The following TRMT9B variants were observed in gnomAD, a reference collection of about 807,000 sequenced individuals.
The protein encoded by TRMT9B is probable tRNA methyltransferase 9B.
Under a neutral mutation model 11.5 loss-of-function variants are expected in TRMT9B, and 16 were observed. The observed-to-expected ratio is 1.39, with a 90% CI of 0.94 to 2.11. The LOEUF is 2.11. Among genes scored for constraint, TRMT9B ranks in the 30% most tolerant of loss-of-function variants. The pLI, the probability that TRMT9B is intolerant of heterozygous loss-of-function variation, is 0.00. For synonymous variants in TRMT9B, 274 were observed against 192.4 expected, an observed-to-expected ratio of 1.42 and a Z score of -3.51; for missense variants, 941 against 553.8, an observed-to-expected ratio of 1.70 and a Z score of -7.02.
At position 13,012,809 on chromosome 8, in the gene TRMT9B, A is replaced by G. The variant is rs1196413937; in HGVS notation, c.280A>G (p.Asn94Asp). 1.9e-6 allele frequency: 3 copies of G among 1,613,944 alleles called. No individual in the cohort carries two copies. Among genetic ancestry groups the G allele is most frequent in the African/African-American group, 1.3e-5 (1 of 75,050 alleles). The change falls in exon 4 of 5, where the codon AAT (asparagine) becomes GAT (aspartate). Residue 94 changes from asparagine (N) to aspartate (D), a missense_variant. Physicochemically the swap from Asn to Asp is conservative, Grantham distance 23 (BLOSUM62 1). Coordinates refer to ENST00000524591, the MANE Select transcript of TRMT9B (RefSeq NM_020844.3). ...TGAAGCCATGGTATGTGACAACCTTAATCTCCCCTTTAGGGATGAGGGCTT... is the reference window on the plus strand; with the variant it reads ...TGAAGCCATGGTATGTGACAACCTTGATCTCCCCTTTAGGGATGAGGGCTT... Reference protein sequence around the residue: ...GCEAMVCDNLNLPFRDEGFDA... With the variant: ...GCEAMVCDNLDLPFRDEGFDA...
At chr8:13,012,445 C>T (rs1215747387) in intron 3 of TRMT9B, 9 of 462,466 alleles carry the variant, frequency 1.9e-5, no homozygotes, top group East Asian at 1.6e-4. Flanking sequence ...CATGGTGGCA[C>T]GCGCCTATGA....
chr8:12,998,568 C>T (rs143105520), intron 2 of TRMT9B, among the ~76,000 whole-genome samples: 1 of 152,148 alleles, frequency 6.6e-6, no homozygotes, highest in Non-Finnish European at 1.5e-5. Flanking sequence ...AGCCTATTAC[C>T]CTGGCCTCTG....
At chr8:12,959,626 C>T (rs1003861000) in intron 1 of TRMT9B, among the ~76,000 whole-genome samples, 3 of 143,184 alleles carry the variant, frequency 2.1e-5, no homozygotes, top group Non-Finnish European at 4.5e-5. Flanking sequence ...CTCAAATGAT[C>T]CTCCTGCCTC....
At chr8:12,988,145 C>G (rs918014466) in intron 1 of TRMT9B, among the ~76,000 whole-genome samples, 3 of 152,066 alleles carry the variant, frequency 2.0e-5, no homozygotes, top group Non-Finnish European at 4.4e-5. Context: ...CCCACTTCTC[C>G]TTTTCACCTG....
chr8:13,011,718 T>G (rs926576234), intron 3 of TRMT9B: 2 of 975,324 alleles, frequency 2.1e-6, no homozygotes, highest in Non-Finnish European at 2.4e-6. Context: ...TCTCTGCTAC[T>G]GGAAAGTGAA....
intron 1 of TRMT9B, among the ~76,000 whole-genome samples, chr8:12,980,598 G>C (rs1315362909): frequency 6.6e-6 from 1 of 152,144 alleles, no homozygotes; most frequent in Non-Finnish European, 1.5e-5. Context: ...AGATATTAAA[G>C]CCAAAATAAA....
intron 1 of TRMT9B, among the ~76,000 whole-genome samples, chr8:12,970,537 C>G (rs571038575): frequency 1.3e-5 from 2 of 152,332 alleles, no homozygotes; most frequent in East Asian, 1.9e-4. Flanking sequence ...CTGGGCGGTC[C>G]TACAGATTTA....
Position 13,027,204 on chromosome 8 carries a change from A to G in TRMT9B, c.*5160A>G, listed in dbSNP as rs1374260181. The G allele has an allele frequency of 1.8e-5, 3 of 167,082 alleles. No individual in the cohort carries two copies. The highest frequency in any genetic ancestry group is 4.4e-5 in the Non-Finnish European group (3 of 68,124). The allele number at this position is 167,082 out of a possible 1,614,324, so 10.3% of individuals were successfully genotyped here. The stretch of plus-strand genomic sequence containing the variant: ...TGGATACATATGATACAAGGTAATG[A>G]CTATCTGGCATCTTGAAGGTACCCA... On this transcript the variant is annotated 3_prime_UTR_variant, in exon 5 of 5. Coordinates refer to ENST00000524591, the MANE Select transcript of TRMT9B (RefSeq NM_020844.3).
At chr8:13,007,737 G>T (rs547640759) in intron 3 of TRMT9B, 1 of 152,226 alleles carries the variant, frequency 6.6e-6, no homozygotes, top group East Asian at 1.9e-4. Context: ...AAAATCAGTG[G>T]GGGAAAGGAA....
At chr8:12,972,339 GA>G (rs1803763662) in intron 1 of TRMT9B, among the ~76,000 whole-genome samples, 2 of 152,202 alleles carry the variant, frequency 1.3e-5, no homozygotes, top group African/African-American at 4.8e-5. Flanking sequence ...GAGCTCAGAG[GA>G]GAGTCCCTGA....
intron 2 of TRMT9B, among the ~76,000 whole-genome samples, chr8:13,004,606 T>G (rs1810077152): frequency 6.6e-6 from 1 of 151,978 alleles, no homozygotes; most frequent in South Asian, 2.1e-4. Context: ...GACCTAGTCC[T>G]GTCAGGACCC....
chr8:12,998,432 G>T (rs964219765), intron 2 of TRMT9B, among the ~76,000 whole-genome samples: 1 of 152,108 alleles, frequency 6.6e-6, no homozygotes, highest in African/African-American at 2.4e-5. Context: ...TTTCCATAGA[G>T]CTAAAACATA....
At chr8:12,986,706 T>C (rs557864855) in intron 1 of TRMT9B, among the ~76,000 whole-genome samples, 2 of 152,236 alleles carry the variant, frequency 1.3e-5, no homozygotes, top group Non-Finnish European at 2.9e-5. Flanking sequence ...ATAGTAGTGG[T>C]ACATTGTACT....
At chr8:13,017,945 A>G (rs1404418283) in intron 4 of TRMT9B, among the ~76,000 whole-genome samples, 1 of 151,718 alleles carries the variant, frequency 6.6e-6, no homozygotes, top group Non-Finnish European at 1.5e-5. Flanking sequence ...TCTTAAGAAC[A>G]TTTGGCTTAA....
rs1033071701 is a variant in TRMT9B, at chr8:13,025,462, A to G, written c.*3418A>G. 2 of 160,762 alleles carry G rather than the reference A, an allele frequency of 1.2e-5. No homozygotes were observed. The highest frequency in any genetic ancestry group is 4.8e-5 in the African/African-American group (2 of 41,466). 10.0% of individuals were successfully genotyped at this position (160,762 alleles called of 1,614,324 possible). On this transcript the variant is annotated 3_prime_UTR_variant, in exon 5 of 5. Coordinates refer to ENST00000524591, the MANE Select transcript of TRMT9B (RefSeq NM_020844.3). ...AACCTGGGAGGCGGAGGTTGCAGTG[A>G]GCCGAGATTGTGCCATTGCACTCCA...
chr8:12,983,832 CAG>C (rs1304135253), intron 1 of TRMT9B, among the ~76,000 whole-genome samples: 2 of 152,112 alleles, frequency 1.3e-5, no homozygotes, highest in African/African-American at 4.8e-5. Flanking sequence ...CAGATGGAGA[CAG>C]AAAGCGTGCT....
At position 13,006,264 on chromosome 8, in the gene TRMT9B, C is replaced by T; in HGVS notation, c.62C>T (p.Ala21Val). 1 of 1,613,994 alleles carries T rather than the reference C, an allele frequency of 6.2e-7. No homozygotes were observed. Among genetic ancestry groups the T allele is most frequent in the Non-Finnish European group, 8.5e-7 (1 of 1,179,892 alleles). The change falls in exon 3 of 5, where the codon GCC becomes GTC. Residue 21 changes from alanine to valine, a missense_variant. Coordinates refer to ENST00000524591, the MANE Select transcript of TRMT9B (RefSeq NM_020844.3). The part of the protein sequence containing the change: ...QHVHNVYEST[A>V]PYFSDLQSKA... ...GTGCACAATGTGTACGAGAGCACAG[C>T]CCCTTACTTCAGCGACCTGCAGAGC...
intron 3 of TRMT9B, chr8:13,011,903 T>C (rs769490654): frequency 1.5e-4 from 146 of 985,032 alleles, no homozygotes; most frequent in Non-Finnish European, 1.7e-4. Flanking sequence ...TGTTTTAGTG[T>C]ATAAATAATA....
In TRMT9B at chr8:13,022,670, G is replaced by A. The variant is rs144659837; in HGVS notation, c.*626G>A. On this transcript the variant is annotated 3_prime_UTR_variant, in exon 5 of 5. Coordinates refer to ENST00000524591, the MANE Select transcript of TRMT9B (RefSeq NM_020844.3). ...AAATAAGTTGACATGTGATAATAAG[G>A]TTTTCAATGTAGCCCAGGAGGTTTT... The A allele has an allele frequency of 1.8e-5, 3 of 167,188 alleles. No individual in the cohort carries two copies. Among genetic ancestry groups the A allele is most frequent in the East Asian group, 3.9e-4 (2 of 5,186 alleles). The allele number at this position is 167,188 out of a possible 1,614,324, so 10.4% of individuals were successfully genotyped here. A position where few individuals can be genotyped will look rare whatever the true frequency, so the allele number is the denominator to read the frequency against.
Sources: gnomAD v4.1 joint callset for allele counts (sites outside exome capture counted in the v4.1 genomes callset) on GRCh38, gnomAD v4.1.1 for gene constraint, MANE v1.5 for transcripts, NCBI Gene and HGNC (gene_info 2026-07-23, HGNC 2026-07-21) for gene names.